Variants in C1QTNF3 observed in about 807,000 individuals in gnomAD.
C1QTNF3 encodes the protein complement C1q tumor necrosis factor-related protein 3.
A neutral mutation model predicts 32.6 loss-of-function variants in C1QTNF3; 26 were observed. The ratio of observed to expected loss-of-function variants is 0.80; its 90% CI spans 0.58 to 1.11. The LOEUF (loss-of-function observed/expected upper bound fraction) is 1.11, where lower values mean the gene tolerates loss of function less well. C1QTNF3 is among the 50% of genes least tolerant of loss of function. The pLI is 0.00. For synonymous variants in C1QTNF3, 155 were observed against 146.0 expected (o/e 1.06, Z -0.44); for missense variants, 362 against 398.2 (o/e 0.91, Z 0.77).
chr5:34,243,863 A>G, the C1QTNF3 span, among the ~76,000 whole-genome samples: 1 of 152,110 alleles, frequency 6.6e-6, no homozygotes, highest in Non-Finnish European at 1.5e-5. Context: ...ACTGGGTACT[A>G]TGCTCACTAC....
chr5:34,130,001 T>C, the C1QTNF3 span, among the ~76,000 whole-genome samples: 1 of 152,096 alleles, frequency 6.6e-6, no homozygotes, highest in Admixed American at 6.5e-5. Context: ...CTGTTCCTTA[T>C]CTATTGATTT....
At chr5:34,035,276 C>T (rs1754708335) in intron 2 of C1QTNF3, among the ~76,000 whole-genome samples, 2 of 152,138 alleles carry the variant, frequency 1.3e-5, no homozygotes, top group African/African-American at 4.8e-5. Context: ...TGAGAGACGG[C>T]TGAACATGGA....
chr5:34,056,481 GA>G, the C1QTNF3 span, among the ~76,000 whole-genome samples: 2 of 24,138 alleles, frequency 8.3e-5, no homozygotes, highest in Middle Eastern at 0.02. Flanking sequence ...TATATATATA[GA>G]GAGAGAGAGA....
At chr5:34,156,908 T>C in the C1QTNF3 span, among the ~76,000 whole-genome samples, 2 of 152,202 alleles carry the variant, frequency 1.3e-5, no homozygotes, top group East Asian at 1.9e-4. Context: ...TGAAATAGAA[T>C]TGCTAAATTA....
chr5:34,177,557 G>A, the C1QTNF3 span, among the ~76,000 whole-genome samples: 1 of 148,064 alleles, frequency 6.8e-6, no homozygotes, highest in African/African-American at 2.5e-5. Context: ...CACAATCTCG[G>A]CTCACTGCAA....
chr5:34,027,622 T>G (rs909392901), intron 4 of C1QTNF3, among the ~76,000 whole-genome samples: 15 of 151,226 alleles, frequency 9.9e-5, no homozygotes, highest in African/African-American at 3.6e-4. Context: ...CGCTTGAGCT[T>G]GGCAGGCAGA....
the C1QTNF3 span, among the ~76,000 whole-genome samples, chr5:34,114,782 A>G: frequency 7.2e-5 from 11 of 152,230 alleles, no homozygotes; most frequent in Admixed American, 5.2e-4. Context: ...TTATTTCATG[A>G]CTTCTCAGCC....
At chr5:34,047,349 A>C (rs1755004503), upstream of C1QTNF3, among the ~76,000 whole-genome samples, 1 of 152,238 alleles carries the variant, frequency 6.6e-6, no homozygotes, top group South Asian at 2.1e-4. Flanking sequence ...TCAGCTTTGC[A>C]AGGCAGAGGG....
At chr5:34,056,475 T>TAGAG in the C1QTNF3 span, among the ~76,000 whole-genome samples, 17 of 101,274 alleles carry the variant, frequency 1.7e-4, no homozygotes, top group East Asian at 3.1e-4. Flanking sequence ...TATATATATA[T>TAGAG]ATATAGAGAG....
At chr5:34,230,546 A>T in the C1QTNF3 span, among the ~76,000 whole-genome samples, 4 of 152,324 alleles carry the variant, frequency 2.6e-5, no homozygotes, top group East Asian at 3.9e-4. Context: ...CTTGATTTTT[A>T]AAAATATTTT....
the C1QTNF3 span, among the ~76,000 whole-genome samples, chr5:34,183,394 G>A: frequency 8.7e-6 from 1 of 114,634 alleles, no homozygotes; most frequent in Non-Finnish European, 1.6e-5. Flanking sequence ...GTAGTGCTGC[G>A]ATCCTGACTC....
chr5:34,122,546 C>T, the C1QTNF3 span, among the ~76,000 whole-genome samples: 1 of 152,130 alleles, frequency 6.6e-6, no homozygotes. Flanking sequence ...GAAGAGTGGC[C>T]TGGTTCCTCT....
chr5:34,219,760 T>C, the C1QTNF3 span, among the ~76,000 whole-genome samples: 12 of 152,246 alleles, frequency 7.9e-5, no homozygotes, highest in East Asian at 2.1e-3. Flanking sequence ...TGGGCATGTA[T>C]TCCCATGCCT....
the C1QTNF3 span, among the ~76,000 whole-genome samples, chr5:34,179,406 C>T: frequency 6.6e-6 from 1 of 152,378 alleles, no homozygotes; most frequent in African/African-American, 2.4e-5. Flanking sequence ...TGCTTGAACC[C>T]GGGAGGTGGA....
At chr5:34,133,974 G>A in the C1QTNF3 span, among the ~76,000 whole-genome samples, 3 of 152,174 alleles carry the variant, frequency 2.0e-5, no homozygotes, top group Non-Finnish European at 4.4e-5. Flanking sequence ...ATGAGTGAGT[G>A]TTTGGTGACT....
At chr5:34,214,134 A>G in the C1QTNF3 span, among the ~76,000 whole-genome samples, 1 of 151,822 alleles carries the variant, frequency 6.6e-6, no homozygotes, top group Non-Finnish European at 1.5e-5. Flanking sequence ...TTATAGAAAT[A>G]TTTAACTTTT....
chr5:34,035,545 T>C, intron 2 of C1QTNF3, 102 bp downstream of exon 2: 1 of 865,368 alleles, frequency 1.2e-6, no homozygotes, highest in Non-Finnish European at 1.9e-6. Context: ...AGCGGATCCT[T>C]TGGATCACAC....
the C1QTNF3 span, among the ~76,000 whole-genome samples, chr5:34,135,882 AG>A: frequency 3.4e-5 from 5 of 147,790 alleles, no homozygotes; most frequent in African/African-American, 1.2e-4. Context: ...AACAAGAAAT[AG>A]GGAAAGGATT....
chr5:34,053,147 T>C, the C1QTNF3 span, among the ~76,000 whole-genome samples: 2 of 152,200 alleles, frequency 1.3e-5, no homozygotes, highest in Non-Finnish European at 2.9e-5. Context: ...TGAGTGTGCC[T>C]TGAAAATTAA....
Sources: gnomAD v4.1 joint callset for allele counts (sites outside exome capture counted in the v4.1 genomes callset) on GRCh38, gnomAD v4.1.1 for gene constraint, MANE v1.5 for transcripts, NCBI Gene and HGNC (gene_info 2026-07-23, HGNC 2026-07-21) for gene names.